The following PTPRO variants were observed in gnomAD, a reference collection of about 807,000 sequenced individuals.
PTPRO encodes the protein receptor-type tyrosine-protein phosphatase O.
PTPRO carries 62 observed loss-of-function variants against 145.2 expected under a neutral mutation model. That is an observed-to-expected ratio of 0.43 (90% CI 0.35 to 0.53). The LOEUF is 0.53. PTPRO is among the 20% of genes least tolerant of loss of function. The pLI, the probability that PTPRO is intolerant of heterozygous loss-of-function variation, is 0.01. For synonymous variants in PTPRO, 565 were observed against 514.7 expected (o/e 1.10, Z -1.32); for missense variants, 1,345 against 1,482.7 (o/e 0.91, Z 1.53).
chr12:15,502,085 G>T, intron 5 of PTPRO, 22 bp downstream of exon 5: 1 of 1,579,466 alleles, frequency 6.3e-7, no homozygotes, highest in East Asian at 2.2e-5. Context: ...GGAAATCAGA[G>T]GAAATAAGAA....
chr12:15,417,668 C>G (rs1371701403), intron 1 of PTPRO, among the ~76,000 whole-genome samples: 1 of 151,642 alleles, frequency 6.6e-6, no homozygotes, highest in East Asian at 1.9e-4. Flanking sequence ...AATGAGTACG[C>G]ATTAAGTATT....
intron 1 of PTPRO, among the ~76,000 whole-genome samples, chr12:15,479,081 C>G (rs187914585): frequency 2.0e-5 from 3 of 152,334 alleles, no homozygotes; most frequent in Admixed American, 6.5e-5. Context: ...AGATCCCCAA[C>G]CCCTCTATTC....
chr12:15,370,612 G>C (rs1938498181), intron 1 of PTPRO, among the ~76,000 whole-genome samples: 1 of 151,974 alleles, frequency 6.6e-6, no homozygotes, highest in African/African-American at 2.4e-5. Flanking sequence ...TGTATGAGAG[G>C]TGTCATAATT....
At chr12:15,457,599 A>G (rs1941209206) in intron 1 of PTPRO, among the ~76,000 whole-genome samples, 1 of 151,814 alleles carries the variant, frequency 6.6e-6, no homozygotes, top group African/African-American at 2.4e-5. Flanking sequence ...AAAATTTTTT[A>G]TATTGATATT....
intron 1 of PTPRO, among the ~76,000 whole-genome samples, chr12:15,332,705 A>G (rs1866647285): frequency 6.6e-6 from 1 of 152,228 alleles, no homozygotes; most frequent in Admixed American, 6.5e-5. Flanking sequence ...CTAATTAATC[A>G]TAAATGGTGA....
chr12:15,368,292 C>T (rs551644294), intron 1 of PTPRO, among the ~76,000 whole-genome samples: 1 of 152,258 alleles, frequency 6.6e-6, no homozygotes, highest in South Asian at 2.1e-4. Flanking sequence ...GTTTCCTTAC[C>T]ATATATGGCA....
At chr12:15,447,411 C>T (rs763504079) in intron 1 of PTPRO, among the ~76,000 whole-genome samples, 47 of 152,056 alleles carry the variant, frequency 3.1e-4, no homozygotes, top group Non-Finnish European at 5.4e-4. Flanking sequence ...AAGGAATTTG[C>T]CACCTTAGCT....
Position 15,322,520 on chromosome 12 carries a change from A to G in PTPRO, c.-207A>G. 1 of 629,392 alleles carries G rather than the reference A, an allele frequency of 1.6e-6. No homozygotes were observed. Among genetic ancestry groups the G allele is most frequent in the Non-Finnish European group, 2.9e-6 (1 of 349,064 alleles). 39.0% of individuals were successfully genotyped at this position (629,392 alleles called of 1,614,324 possible). A position where few individuals can be genotyped will look rare whatever the true frequency, so the allele number is the denominator to read the frequency against. On this transcript the variant is annotated 5_prime_UTR_variant, in exon 1 of 27. Coordinates refer to ENST00000281171, the MANE Select transcript of PTPRO (RefSeq NM_030667.3). The surrounding 1 kb of genome is among the most constrained non-coding windows in gnomAD (Gnocchi z 6.3). ...CCTCTCCATCCTTAGTCATTAAAGA[A>G]CAGCAGCGCCTGGCACGTTCTTGGA...
intron 7 of PTPRO, 66 bp downstream of exon 7, chr12:15,508,833 C>A: frequency 1.3e-6 from 2 of 1,514,442 alleles, no homozygotes; most frequent in South Asian, 1.1e-5. Context: ...AGGGCAATGC[C>A]AAGGAGGCAA....
intron 1 of PTPRO, among the ~76,000 whole-genome samples, chr12:15,421,672 A>G (rs566842744): frequency 6.6e-6 from 1 of 152,320 alleles, no homozygotes; most frequent in South Asian, 2.1e-4. Flanking sequence ...CAGATTGTTT[A>G]TTTTGGAGTC....
intron 1 of PTPRO, among the ~76,000 whole-genome samples, chr12:15,370,667 C>A (rs1055516898): frequency 1.3e-5 from 2 of 151,570 alleles, no homozygotes; most frequent in Non-Finnish European, 2.9e-5. Flanking sequence ...TTTTGCAAAT[C>A]AATAGAGAAG....
At chr12:15,403,640 T>C (rs565127837) in intron 1 of PTPRO, among the ~76,000 whole-genome samples, 74 of 152,264 alleles carry the variant, frequency 4.9e-4, no homozygotes, top group African/African-American at 1.6e-3. Flanking sequence ...AATTATCCCC[T>C]GTTTGGTGTG....
chr12:15,483,624 T>A (rs1353293009), intron 1 of PTPRO, among the ~76,000 whole-genome samples: 1 of 152,038 alleles, frequency 6.6e-6, no homozygotes, highest in East Asian at 1.9e-4. Context: ...ACCAAGAACT[T>A]CTCTAGAACT....
chr12:15,542,427 G>A (rs998643036), intron 12 of PTPRO, among the ~76,000 whole-genome samples: 10 of 152,204 alleles, frequency 6.6e-5, no homozygotes, highest in African/African-American at 9.7e-5. Flanking sequence ...TGCGGCCTAC[G>A]GGCCATGGGT....
At chr12:15,415,598 G>GAT (rs1223247311) in intron 1 of PTPRO, among the ~76,000 whole-genome samples, 1 of 151,498 alleles carries the variant, frequency 6.6e-6, no homozygotes, top group Non-Finnish European at 1.5e-5. Flanking sequence ...TGTTAGCCAG[G>GAT]ATGGTCTCGA....
At chr12:15,491,343 G>T (rs1222440341) in intron 2 of PTPRO, among the ~76,000 whole-genome samples, 1 of 152,184 alleles carries the variant, frequency 6.6e-6, no homozygotes, top group Admixed American at 6.5e-5. Context: ...TCAGAAAGAA[G>T]CAACTCAGCA....
chr12:15,581,151 G>T (rs1403446555), intron 22 of PTPRO, among the ~76,000 whole-genome samples: 2 of 152,136 alleles, frequency 1.3e-5, no homozygotes, highest in African/African-American at 4.8e-5. Flanking sequence ...AATGCATGGT[G>T]GTGGGTAAAA....
rs776830789 is a variant in PTPRO, at chr12:15,501,887, A to G, written c.929A>G (p.Glu310Gly). Residue 310 changes from glutamate (E) to glycine (G), a missense_variant, in exon 5 of 27, where the codon GAA becomes GGA. Transcript: ENST00000281171. ...AGTGCATCTGCAGCTCCTGAAAGTG[A>G]AGATGAATTTGTCAGCGTACTTCCC... is the stretch of plus-strand genomic sequence containing the variant. ...WDSASAAPES[E>G]DEFVSVLPME... is the part of the protein sequence containing the mutation. The G allele has an allele frequency of 6.2e-7, 1 of 1,614,126 alleles. No homozygotes were observed. Among genetic ancestry groups the G allele is most frequent in the Non-Finnish European group, 8.5e-7 (1 of 1,180,004 alleles).
chr12:15,548,839 C>T (rs1440501876), intron 13 of PTPRO, among the ~76,000 whole-genome samples: 2 of 152,010 alleles, frequency 1.3e-5, no homozygotes, highest in Non-Finnish European at 2.9e-5. Flanking sequence ...TTAACTGTGT[C>T]ATATATGTTC....
Sources: gnomAD v4.1 joint callset for allele counts (sites outside exome capture counted in the v4.1 genomes callset) on GRCh38, gnomAD v4.1.1 for gene constraint, Gnocchi (gnomAD v3.1) non-coding constraint, MANE v1.5 for transcripts, NCBI Gene and HGNC (gene_info 2026-07-23, HGNC 2026-07-21) for gene names.